NBAS: variants seen among roughly 807,000 people sequenced by gnomAD.
NBAS encodes NBAS subunit of NRZ tethering complex.
In NBAS, 219 loss-of-function variants were observed where a neutral mutation model predicts 302.5. The ratio of observed to expected loss-of-function variants is 0.72; its 90% CI spans 0.65 to 0.81. The LOEUF is 0.81. NBAS is among the 30% of genes least tolerant of loss of function. The probability of loss-of-function intolerance (pLI) is 0.00; values close to 1 mark genes in which losing one functional copy is unlikely to be tolerated. For synonymous variants in NBAS, 1,118 were observed against 1,021.6 expected (o/e 1.09, Z -1.80); for missense variants, 2,932 against 2,841.6 (o/e 1.03, Z -0.72).
intron 14 of NBAS, 30 bp from the exon 15 acceptor site, chr2:15,474,354 T>A: frequency 6.3e-7 from 1 of 1,583,088 alleles, no homozygotes; most frequent in Non-Finnish European, 8.6e-7. Context: ...TTGAAGTTAA[T>A]AGTAAGGAAA....
At chr2:15,035,229 G>C in the NBAS span, among the ~76,000 whole-genome samples, 1 of 151,944 alleles carries the variant, frequency 6.6e-6, no homozygotes, top group East Asian at 1.9e-4. Flanking sequence ...ACTGAGAAGT[G>C]GGATTGCTGG....
At chr2:15,349,553 G>A (rs997222335) in intron 35 of NBAS, among the ~76,000 whole-genome samples, 9 of 152,168 alleles carry the variant, frequency 5.9e-5, no homozygotes, top group Non-Finnish European at 1.0e-4. Flanking sequence ...CAGTGCTGGT[G>A]GCTGAATGCC....
At chr2:14,830,304 C>T in the NBAS span, among the ~76,000 whole-genome samples, 2 of 152,172 alleles carry the variant, frequency 1.3e-5, no homozygotes, top group African/African-American at 4.8e-5. Flanking sequence ...ATGTAATTAA[C>T]ATAATTAGCC....
At chr2:15,153,781 G>A in the NBAS span, among the ~76,000 whole-genome samples, 1 of 152,152 alleles carries the variant, frequency 6.6e-6, no homozygotes, top group Non-Finnish European at 1.5e-5. Flanking sequence ...CTTAAATTTT[G>A]GCCTCTTTCT....
chr2:15,308,349 A>G lies in NBAS; in HGVS notation c.4664T>C (p.Leu1555Ser), dbSNP rs748735037. The G allele has an allele frequency of 1.2e-6, 2 of 1,614,034 alleles. No homozygotes were observed. The highest frequency in any genetic ancestry group is 1.7e-5 in the Admixed American group (1 of 59,992). Reference protein sequence around the residue: ...LAYLLALPQVLDANRCFEKQS... With the variant: ...LAYLLALPQVSDANRCFEKQS... Reference sequence around the variant, plus strand: ...CTTTTCAAAGCACCGGTTAGCATCTAACACCTAGGAGGGAACATGTTAGAA... The same window carrying G: ...CTTTTCAAAGCACCGGTTAGCATCTGACACCTAGGAGGGAACATGTTAGAA... The change falls in exon 40 of 52, where the codon TTA (leucine) becomes TCA (serine). Residue 1555 changes from leucine to serine, a missense_variant. Transcript: ENST00000281513.
the NBAS span, among the ~76,000 whole-genome samples, chr2:15,083,252 G>A: frequency 2.6e-5 from 4 of 152,118 alleles, no homozygotes; most frequent in Non-Finnish European, 5.9e-5. Flanking sequence ...TTCCACTTTC[G>A]CAACAGTGCT....
At chr2:15,535,498 G>C (rs1405161967) in intron 8 of NBAS, among the ~76,000 whole-genome samples, 2 of 147,204 alleles carry the variant, frequency 1.4e-5, no homozygotes. Flanking sequence ...CTCCAGCCTG[G>C]GCGACAGAGC....
At chr2:15,380,234 C>A (rs1674966214) in intron 29 of NBAS, among the ~76,000 whole-genome samples, 1 of 151,938 alleles carries the variant, frequency 6.6e-6, no homozygotes, top group Non-Finnish European at 1.5e-5. Flanking sequence ...CTGTTTTTTT[C>A]TTTTTCCTAA....
the NBAS span, among the ~76,000 whole-genome samples, chr2:15,020,961 GT>G: frequency 3.9e-4 from 60 of 152,174 alleles, no homozygotes; most frequent in African/African-American, 1.4e-3. Context: ...GCCAGGCATG[GT>G]GACTCATGCC....
chr2:15,360,186 G>A (rs1332155953), intron 32 of NBAS, among the ~76,000 whole-genome samples: 1 of 152,082 alleles, frequency 6.6e-6, no homozygotes, highest in African/African-American at 2.4e-5. Flanking sequence ...TCAGTTTGTT[G>A]GGTGGTGAGT....
chr2:15,030,022 A>C, the NBAS span, among the ~76,000 whole-genome samples: 2 of 152,242 alleles, frequency 1.3e-5, no homozygotes, highest in African/African-American at 4.8e-5. Flanking sequence ...CTTTTCTGAA[A>C]GGCGAACTTT....
the NBAS span, among the ~76,000 whole-genome samples, chr2:15,087,753 A>G: frequency 6.6e-6 from 1 of 152,238 alleles, no homozygotes; most frequent in Non-Finnish European, 1.5e-5. Context: ...GTGCCATTTG[A>G]GAGGCGGTGT....
chr2:15,052,727 T>C, the NBAS span, among the ~76,000 whole-genome samples: 2 of 152,344 alleles, frequency 1.3e-5, no homozygotes, highest in East Asian at 3.9e-4. Context: ...TATTTTGCTC[T>C]GATAAGTTGC....
chr2:15,453,787 CT>C (rs201822394), intron 21 of NBAS, among the ~76,000 whole-genome samples: 14 of 148,644 alleles, frequency 9.4e-5, no homozygotes, highest in African/African-American at 1.2e-4. Context: ...TTTCTTTTTT[CT>C]TTTTTTTTTG....
At chr2:15,466,665 T>C (rs1679735811) in intron 19 of NBAS, among the ~76,000 whole-genome samples, 1 of 152,100 alleles carries the variant, frequency 6.6e-6, no homozygotes, top group Admixed American at 6.6e-5. Context: ...ACGCCAGGCA[T>C]AGTGGCTCAC....
the NBAS span, among the ~76,000 whole-genome samples, chr2:14,794,605 T>C: frequency 1.3e-5 from 2 of 152,186 alleles, no homozygotes; most frequent in Non-Finnish European, 2.9e-5. Flanking sequence ...CTTTATTGGG[T>C]AAAGTTTACA....
intron 42 of NBAS, among the ~76,000 whole-genome samples, chr2:15,283,014 A>G (rs894474988): frequency 6.6e-6 from 1 of 152,026 alleles, no homozygotes; most frequent in Non-Finnish European, 1.5e-5. Flanking sequence ...ACAACATACA[A>G]CTTGCTTTTC....
the NBAS span, among the ~76,000 whole-genome samples, chr2:14,909,196 T>C: frequency 6.6e-6 from 1 of 151,534 alleles, no homozygotes; most frequent in Non-Finnish European, 1.5e-5. Flanking sequence ...GGCGGGCATC[T>C]GTAGTCCCAG....
chr2:15,014,906 A>T, the NBAS span, among the ~76,000 whole-genome samples: 1 of 151,960 alleles, frequency 6.6e-6, no homozygotes, highest in Non-Finnish European at 1.5e-5. Flanking sequence ...ACTAAGAAAA[A>T]ATAGAGAATA....
Sources: gnomAD v4.1 joint callset for allele counts (sites outside exome capture counted in the v4.1 genomes callset) on GRCh38, gnomAD v4.1.1 for gene constraint, MANE v1.5 for transcripts, NCBI Gene and HGNC (gene_info 2026-07-23, HGNC 2026-07-21) for gene names.